SCYL1: variants seen among roughly 807,000 people sequenced by gnomAD.
SCYL1 encodes N-terminal kinase-like protein.
A neutral mutation model predicts 94.8 loss-of-function variants in SCYL1; 85 were observed. The observed-to-expected ratio is 0.90, with a 90% confidence interval of 0.75 to 1.07. SCYL1 has a LOEUF of 1.07. SCYL1 is among the 50% of genes least tolerant of loss of function. The probability of loss-of-function intolerance (pLI) is 0.00; values close to 1 mark genes in which losing one functional copy is unlikely to be tolerated. For synonymous variants in SCYL1, 459 were observed against 435.5 expected (o/e 1.05, Z -0.67); for missense variants, 968 against 1,083.3 (o/e 0.89, Z 1.49).
rs201353161 is a variant in SCYL1 at position 65,536,349 on chromosome 11, C to G, written c.1651+15C>G. On this transcript the variant is annotated intron_variant, in intron 12 of 17. Transcript: ENST00000270176. ...GGAGGAAGTGGGTGAGTGGCTTACACTCGTGTTCCCTCTTTCCCTGCCATG... is the reference window on the plus strand; with the variant it reads ...GGAGGAAGTGGGTGAGTGGCTTACAGTCGTGTTCCCTCTTTCCCTGCCATG... The G allele has an allele frequency of 9.9e-6, 16 of 1,612,202 alleles. No homozygotes were observed. In the East Asian group the frequency reaches 3.3e-4, roughly 34 times the overall value.
rs1855570311 is a variant in SCYL1 at position 65,535,141 on chromosome 11, T to C, written c.1231-86T>C. The C allele has an allele frequency of 3.2e-6, 5 of 1,550,488 alleles. No individual in the cohort carries two copies. The Admixed American group carries it at 5.2e-5, about 16-fold the overall frequency. On this transcript the variant is annotated intron_variant, in intron 9 of 17. Transcript: ENST00000270176. ...CTTGCAGGCTTTGATGGGTGTGCTCTGGGATGAGGGCTGCCAGGAGGCTGT... is the reference window on the plus strand; with the variant it reads ...CTTGCAGGCTTTGATGGGTGTGCTCCGGGATGAGGGCTGCCAGGAGGCTGT...
intron 10 of SCYL1, 101 bp from the exon 11 acceptor site, chr11:65,535,851 TG>T: frequency 8.8e-7 from 1 of 1,133,232 alleles, no homozygotes; most frequent in Non-Finnish European, 1.3e-6. Context: ...TTTCAGATTC[TG>T]GGGACCTATG....
chr11:65,536,452 C>T (rs1160282293), intron 12 of SCYL1, 118 bp downstream of exon 12: 1 of 1,410,598 alleles, frequency 7.1e-7, no homozygotes, highest in East Asian at 2.4e-5. Context: ...TGACTCAGCT[C>T]CCCCTTCACA....
rs1312565208 is a variant in SCYL1 at position 65,525,462 on chromosome 11, G to A, written c.112-112G>A. On this transcript the variant is annotated intron_variant, in intron 1 of 17. Transcript: ENST00000270176. ...GGCGGACAGGGCCGGGGTCACGTGGGCCCGGCGAAGTGTCCCTAAGGCTGA... is the reference window on the plus strand; with the variant it reads ...GGCGGACAGGGCCGGGGTCACGTGGACCCGGCGAAGTGTCCCTAAGGCTGA... The A allele has an allele frequency of 1.2e-5, 16 of 1,341,620 alleles. No individual in the cohort carries two copies. In the Admixed American group the frequency reaches 3.6e-4, roughly 30 times the overall value. 83.1% of individuals were successfully genotyped at this position (1,341,620 alleles called of 1,614,324 possible).
Position 65,526,882 on chromosome 11 carries a change from C to T in SCYL1, c.693+9C>T. 6.2e-7 allele frequency: 1 copy of T among 1,613,158 alleles called. No individual in the cohort carries two copies. The highest frequency in any genetic ancestry group is 1.1e-5 in the South Asian group (1 of 91,062). ...TACGCAACCCTGGGAAGGTAAGTTTCTTGCCCCTGGCTCTTTGCCCTGCCT... is the reference window on the plus strand; with the variant it reads ...TACGCAACCCTGGGAAGGTAAGTTTTTTGCCCCTGGCTCTTTGCCCTGCCT... On this transcript the variant is annotated intron_variant, in intron 5 of 17. Coordinates refer to ENST00000270176, the MANE Select transcript of SCYL1 (RefSeq NM_020680.4). The surrounding 1 kb of genome is among the most constrained non-coding windows in gnomAD (Gnocchi z 4.1).
At chr11:65,533,811 G>T (rs371171519) in intron 9 of SCYL1, among the ~76,000 whole-genome samples, 8 of 150,972 alleles carry the variant, frequency 5.3e-5, no homozygotes, top group African/African-American at 1.9e-4. Context: ...GGCCGGGCCT[G>T]GTGGCCCATG....
rs565962624 is a variant in SCYL1 at position 65,535,352 on chromosome 11, G to C, written c.1356G>C (p.Leu452=). ...GPIRCNTTVC[L]GKIGSYLSAS... ...TCCGCTGCAACACCACAGTCTGCCT[G>C]GGCAAAATCGGCTCCTACCTCAGTG... Residue 452 remains leucine (L), a synonymous_variant, in exon 10 of 18, where the codon CTG becomes CTC. Transcript: ENST00000270176. 8 of 1,614,240 alleles carry C rather than the reference G, an allele frequency of 5.0e-6. No individual in the cohort carries two copies. In the African/African-American group the frequency reaches 9.3e-5, roughly 19 times the overall value.
chr11:65,526,497 T>A lies in SCYL1; in HGVS notation c.602+147T>A. 1.4e-6 allele frequency: 1 copy of A among 739,718 alleles called. No homozygotes were observed. Among genetic ancestry groups the A allele is most frequent in the Non-Finnish European group, 2.2e-6 (1 of 453,578 alleles). 45.8% of individuals were successfully genotyped at this position (739,718 alleles called of 1,614,324 possible). A position where few individuals can be genotyped will look rare whatever the true frequency, so the allele number is the denominator to read the frequency against. On this transcript the variant is annotated intron_variant, in intron 4 of 17. Transcript: ENST00000270176. The surrounding 1 kb of genome is among the most constrained non-coding windows in gnomAD (Gnocchi z 4.1). The stretch of plus-strand genomic sequence containing the variant: ...GTCCCAGGAGTGAGGGACACTCCTC[T>A]GCCCCCAGGGTCCTCAGGGCGGTAG...
intron 7 of SCYL1, 32 bp from the exon 8 acceptor site, chr11:65,531,544 G>C (rs1023652005): frequency 1.0e-5 from 16 of 1,526,548 alleles, no homozygotes; most frequent in Non-Finnish European, 1.8e-6. Context: ...CCATTCCTGT[G>C]AGCAGCTGAA....
chr11:65,536,056 T>C lies in SCYL1; in HGVS notation c.1490T>C (p.Leu497Pro). ...GVLGFAATHN[L>P]YSMNDCAQKI... ...CTGGGCTTTGCTGCCACCCACAACC[T>C]CTACTCAATGAACGACTGTGCCCAG... The change falls in exon 11 of 18, where the codon CTC becomes CCC. Residue 497 changes from leucine to proline, a missense_variant. By Grantham distance (98) the Leu-to-Pro change is moderately conservative. Transcript: ENST00000270176. The C allele has an allele frequency of 1.9e-6, 3 of 1,614,168 alleles. No individual in the cohort carries two copies. The highest frequency in any genetic ancestry group is 2.5e-6 in the Non-Finnish European group (3 of 1,180,016).
rs864309665 is a variant in SCYL1 at position 65,536,072 on chromosome 11, CTG to C, written c.1509_1510del (p.Ala504ProfsTer15). 1.2e-6 allele frequency: 2 copies of C among 1,614,258 alleles called. No homozygotes were observed. The highest frequency in any genetic ancestry group is 8.5e-7 in the Non-Finnish European group (1 of 1,180,040). ...ATHNLYSMNDCAQKILPVLCG... is the reference protein window; with the variant it reads ...ATHNLYSMNDXAQKILPVLCG... ...CCCACAACCTCTACTCAATGAACGA[CTG>C]TGCCCAGAAGATCCTGCCTGTGCTC... On this transcript the variant is annotated frameshift_variant, in exon 11 of 18. Coordinates refer to ENST00000270176, the MANE Select transcript of SCYL1 (RefSeq NM_020680.4). LOFTEE classifies it high-confidence loss of function.
rs769116304 is a variant in SCYL1 at position 65,526,357 on chromosome 11, G to A, written c.602+7G>A. Reference sequence around the variant, plus strand: ...GAGTGGTCAGAGAGAAGTGGTGGGTGACTGGGGGCAGCGCGCCCCAACCTG... The same window carrying A: ...GAGTGGTCAGAGAGAAGTGGTGGGTAACTGGGGGCAGCGCGCCCCAACCTG... On this transcript the variant is annotated splice_region_variant and intron_variant, in intron 4 of 17. Transcript: ENST00000270176. The surrounding 1 kb of genome is among the most constrained non-coding windows in gnomAD (Gnocchi z 4.1). 2 of 1,587,770 alleles carry A rather than the reference G, an allele frequency of 1.3e-6. No homozygotes were observed. The highest frequency in any genetic ancestry group is 2.7e-5 in the African/African-American group (2 of 74,524).
Position 65,535,366 on chromosome 11 carries a change from C to T in SCYL1, c.1370C>T (p.Ser457Phe), listed in dbSNP as rs778020511. ...ACAGTCTGCCTGGGCAAAATCGGCT[C>T]CTACCTCAGTGCTAGCGTGAGTGTC... is the stretch of plus-strand genomic sequence containing the variant. Reference protein sequence around the residue: ...NTTVCLGKIGSYLSASTRHRV... With the variant: ...NTTVCLGKIGFYLSASTRHRV... The change falls in exon 10 of 18, where the codon TCC (serine) becomes TTC (phenylalanine). Residue 457 changes from serine (S) to phenylalanine (F), a missense_variant. Transcript: ENST00000270176. 6.2e-7 allele frequency: 1 copy of T among 1,614,100 alleles called. No homozygotes were observed. The highest frequency in any genetic ancestry group is 1.1e-5 in the South Asian group (1 of 91,094).
intron 9 of SCYL1, among the ~76,000 whole-genome samples, chr11:65,534,426 T>C (rs1408313756): frequency 6.6e-6 from 1 of 152,024 alleles, no homozygotes; most frequent in Admixed American, 6.6e-5. Flanking sequence ...ACAAAAAAGA[T>C]ACGGAGACGA....
rs142741689 is a variant in SCYL1 at position 65,533,848 on chromosome 11, C to T, written c.1230+1043C>T. Among the ~76,000 whole-genome samples, 27 of 151,824 alleles carry T rather than the reference C, an allele frequency of 1.8e-4. 1 individual carries two copies. The East Asian group carries it at 4.9e-3, about 27-fold the overall frequency. Reference sequence around the variant, plus strand: ...CTGTAATCCCAGCACTTTGGGAGGCCGAGGCGGGTGGATCACCTGAGGCGA... The same window carrying T: ...CTGTAATCCCAGCACTTTGGGAGGCTGAGGCGGGTGGATCACCTGAGGCGA... On this transcript the variant is annotated intron_variant, in intron 9 of 17. Coordinates refer to ENST00000270176, the MANE Select transcript of SCYL1 (RefSeq NM_020680.4).
intron 8 of SCYL1, 25 bp downstream of exon 8, chr11:65,531,708 T>C: frequency 6.4e-7 from 1 of 1,565,854 alleles, no homozygotes; most frequent in Non-Finnish European, 8.8e-7. Flanking sequence ...CCAGACTCTG[T>C]GGTGGTCCAC....
In SCYL1 at chr11:65,526,246, C is replaced by T. The variant is rs1451134139; in HGVS notation, c.498C>T (p.Ala166=). The change falls in exon 4 of 18, where the codon GCC becomes GCT. Residue 166 remains alanine, a synonymous_variant. Coordinates refer to ENST00000270176, the MANE Select transcript of SCYL1 (RefSeq NM_020680.4). The surrounding 1 kb of genome is among the most constrained non-coding windows in gnomAD (Gnocchi z 4.1). ...GGGGCCTGGACTACATGTATTCGGC[C>T]CAGGGCAACGGTGGGGGACCTCCCC... ...KLGGLDYMYS[A]QGNGGGPPRK... is the part of the protein sequence containing the mutation. The T allele has an allele frequency of 5.0e-6, 8 of 1,613,236 alleles. No individual in the cohort carries two copies. The highest frequency in any genetic ancestry group is 6.8e-6 in the Non-Finnish European group (8 of 1,179,976).
rs1009791047 is a variant in SCYL1 at position 65,538,574 on chromosome 11, C to T, written c.*8C>T. ...GCCCGGAAGCTGGACTGAACCGTGG[C>T]GGTGGCCCTTCCCGGCTGCGGAGAG... On this transcript the variant is annotated 3_prime_UTR_variant, in exon 18 of 18. Coordinates refer to ENST00000270176, the MANE Select transcript of SCYL1 (RefSeq NM_020680.4). The T allele has an allele frequency of 3.1e-6, 5 of 1,607,668 alleles. No homozygotes were observed. The highest frequency in any genetic ancestry group is 4.5e-5 in the East Asian group (2 of 44,716).
Position 65,538,615 on chromosome 11 carries a change from T to G in SCYL1, c.*49T>G, listed in dbSNP as rs755104465. 6.3e-7 allele frequency: 1 copy of G among 1,584,608 alleles called. No homozygotes were observed. Among genetic ancestry groups the G allele is most frequent in the Non-Finnish European group, 8.6e-7 (1 of 1,165,920 alleles). Reference sequence around the variant, plus strand: ...CTGCGGAGAGCCCGCCCCACAGATGTATTTATTGTACAAACCATGTGAGCC... The same window carrying G: ...CTGCGGAGAGCCCGCCCCACAGATGGATTTATTGTACAAACCATGTGAGCC... On this transcript the variant is annotated 3_prime_UTR_variant, in exon 18 of 18. Transcript: ENST00000270176.
Sources: gnomAD v4.1 joint callset for allele counts (sites outside exome capture counted in the v4.1 genomes callset) on GRCh38, gnomAD v4.1.1 for gene constraint, Gnocchi (gnomAD v3.1) non-coding constraint, MANE v1.5 for transcripts, NCBI Gene and HGNC (gene_info 2026-07-23, HGNC 2026-07-21) for gene names.